ANKRD26: variants seen among roughly 807,000 people sequenced by gnomAD.
ANKRD26 encodes the protein ankyrin repeat domain 26.
Under a neutral mutation model 208.7 loss-of-function variants are expected in ANKRD26, and 141 were observed. That is an observed-to-expected ratio of 0.68 (90% confidence interval 0.59 to 0.78). The LOEUF is 0.78. Among genes scored for constraint, ANKRD26 ranks in the 30% least tolerant of loss-of-function variants. The pLI is 0.00. For synonymous variants in ANKRD26, 636 were observed against 660.4 expected (o/e 0.96, Z 0.57); for missense variants, 1,889 against 1,938.7 (o/e 0.97, Z 0.48).
chr10:26,993,643 G>A (rs577389396), intron 5 of ANKRD26, among the ~76,000 whole-genome samples: 3 of 152,298 alleles, frequency 2.0e-5, no homozygotes, highest in South Asian at 2.1e-4. Flanking sequence ...CTTTTCCCAT[G>A]TGCCTTGCTC....
chr10:27,024,660 C>A, intron 27 of ANKRD26, 101 bp from the exon 28 acceptor site: 1 of 648,600 alleles, frequency 1.5e-6, no homozygotes, highest in Non-Finnish European at 2.7e-6. Context: ...TATGTTTAGG[C>A]ATATAAAATG....
At chr10:26,962,850 G>C in the ANKRD26 span, among the ~76,000 whole-genome samples, 3 of 152,158 alleles carry the variant, frequency 2.0e-5, no homozygotes, top group African/African-American at 7.2e-5. Flanking sequence ...AGAAGTTAGG[G>C]AGGAGGTTTG....
At position 27,076,862 on chromosome 10, in the gene ANKRD26, G is replaced by A. The variant is rs137968382; in HGVS notation, c.1077+476C>T. Among the ~76,000 whole-genome samples, 403 of 151,948 alleles carry A rather than the reference G, an allele frequency of 2.7e-3. 3 individuals are homozygous for A. The highest frequency in any genetic ancestry group is 9.0e-3 in the African/African-American group (372 of 41,424). On this transcript the variant is annotated intron_variant, in intron 9 of 33. Transcript: ENST00000376087. The stretch of plus-strand genomic sequence containing the variant: ...AGATTGAATCAGTAATTTTAAAACC[G>A]CCAACAAGAAAAAAACCCAGGGCCA...
intron 2 of ANKRD26, 39 bp from the exon 3 acceptor site, chr10:27,093,561 G>A (rs748186763): frequency 1.2e-6 from 2 of 1,611,662 alleles, no homozygotes; most frequent in African/African-American, 2.7e-5. Flanking sequence ...ATAAATTCTA[G>A]GAATGCAAAA....
intron 25 of ANKRD26, among the ~76,000 whole-genome samples, chr10:27,032,967 C>T (rs761827923): frequency 1.0e-3 from 154 of 150,938 alleles, no homozygotes; most frequent in Non-Finnish European, 2.0e-3. Context: ...CCCAGCTACT[C>T]GGGAGGCTGA....
Position 27,060,460 on chromosome 10 carries a change from C to G in ANKRD26, c.1492-43G>C, listed in dbSNP as rs1212112383. Reference sequence around the variant, plus strand: ...CAAAATGATTAATAAATAATGTATACTTTATACAATATGCACTTAATAATT... The same window carrying G: ...CAAAATGATTAATAAATAATGTATAGTTTATACAATATGCACTTAATAATT... On this transcript the variant is annotated intron_variant, in intron 14 of 33. Coordinates refer to ENST00000376087, the MANE Select transcript of ANKRD26 (RefSeq NM_014915.3). 3 of 1,551,464 alleles carry G rather than the reference C, an allele frequency of 1.9e-6. No individual in the cohort carries two copies. In the African/African-American group the frequency reaches 4.1e-5, roughly 21 times the overall value.
intron 5 of ANKRD26, among the ~76,000 whole-genome samples, chr10:26,993,807 T>G (rs900192814): frequency 6.6e-6 from 1 of 152,154 alleles, no homozygotes; most frequent in Non-Finnish European, 1.5e-5. Context: ...GCTGGAGCCA[T>G]TGGAAAGAGG....
chr10:27,017,422 T>G, intron 30 of ANKRD26, 80 bp downstream of exon 30: 2 of 1,461,856 alleles, frequency 1.4e-6, no homozygotes, highest in Non-Finnish European at 1.9e-6. Context: ...ATAAGGGATG[T>G]AGAGGAAACA....
chr10:27,064,447 A>T (rs2055169042), intron 11 of ANKRD26, among the ~76,000 whole-genome samples: 2 of 152,166 alleles, frequency 1.3e-5, no homozygotes, highest in South Asian at 4.1e-4. Context: ...AGCTTCTCTG[A>T]ACTTATTCCG....
chr10:26,991,689 C>T (rs1169260340), downstream of ANKRD26, among the ~76,000 whole-genome samples: 1 of 152,192 alleles, frequency 6.6e-6, no homozygotes, highest in African/African-American at 2.4e-5. Flanking sequence ...GATCCACCTG[C>T]CTCGCCCTCC....
downstream of ANKRD26, among the ~76,000 whole-genome samples, chr10:27,003,654 A>G (rs958572467): frequency 5.3e-5 from 8 of 152,368 alleles, no homozygotes; most frequent in Non-Finnish European, 1.0e-4. Flanking sequence ...AGTGAGTGAC[A>G]GCAGATGCCT....
Position 27,100,358 on chromosome 10 carries a change from A to C in ANKRD26, c.-32T>G. ...GGCGACCGGGCTTCAGAGACACCTC[A>C]TGTCTCTCTCGGCTCTTAACGGCCT... On this transcript the variant is annotated 5_prime_UTR_variant, in exon 1 of 34. The change abolishes an upstream ATG in the 5' untranslated region. Transcript: ENST00000376087. 1 of 1,603,234 alleles carries C rather than the reference A, an allele frequency of 6.2e-7. No homozygotes were observed. The highest frequency in any genetic ancestry group is 8.5e-7 in the Non-Finnish European group (1 of 1,179,720).
chr10:27,002,688 A>G (rs546923635), downstream of ANKRD26, among the ~76,000 whole-genome samples: 2 of 152,384 alleles, frequency 1.3e-5, no homozygotes, highest in South Asian at 4.1e-4. Context: ...GTCTATGGTC[A>G]TAACACAAAT....
At chr10:27,079,953 CA>C in intron 6 of ANKRD26, 1 of 206,494 alleles carries the variant, frequency 4.8e-6, no homozygotes, top group Non-Finnish European at 1.1e-5. Flanking sequence ...GTCAGGAGTT[CA>C]AGGCCAGTCT....
intron 5 of ANKRD26, among the ~76,000 whole-genome samples, chr10:26,976,932 C>G (rs992915834): frequency 6.6e-5 from 10 of 152,294 alleles, no homozygotes; most frequent in Admixed American, 2.6e-4. Context: ...TACGAACACA[C>G]CTGCCCATCA....
At chr10:26,992,720 A>G (rs2052512899) in intron 5 of ANKRD26, among the ~76,000 whole-genome samples, 1 of 152,136 alleles carries the variant, frequency 6.6e-6, no homozygotes, top group Non-Finnish European at 1.5e-5. Flanking sequence ...TATTATTATT[A>G]TTCCTATTAT....
In ANKRD26 at chr10:27,048,812, T is replaced by C; in HGVS notation, c.1803A>G (p.Lys601=). The change falls in exon 17 of 34, where the codon AAA becomes AAG. Residue 601 remains lysine, a synonymous_variant. Transcript: ENST00000376087. The part of the protein sequence containing the change: ...DHQQFPRKEN[K]EYASSGPALQ... Reference sequence around the variant, plus strand: ...TGCTATCAGCTTACCTAGCATACTCTTTATTTTCCTTCCTGGGAAATTGCT... The same window carrying C: ...TGCTATCAGCTTACCTAGCATACTCCTTATTTTCCTTCCTGGGAAATTGCT... 6.2e-7 allele frequency: 1 copy of C among 1,613,120 alleles called. No individual in the cohort carries two copies.
At chr10:27,071,707 C>A (rs1447113908) in intron 9 of ANKRD26, among the ~76,000 whole-genome samples, 23 of 152,004 alleles carry the variant, frequency 1.5e-4, no homozygotes, top group Non-Finnish European at 4.4e-5. Context: ...GCAGTGTACA[C>A]GATGAACCAG....
intron 1 of ANKRD26, among the ~76,000 whole-genome samples, chr10:27,095,726 T>C (rs1266468867): frequency 6.6e-6 from 1 of 152,104 alleles, no homozygotes; most frequent in Non-Finnish European, 1.5e-5. Context: ...GCCCTAATAG[T>C]CTAATTTTAA....
Sources: allele counts gnomAD v4.1 joint callset (sites outside exome capture counted in the v4.1 genomes callset), GRCh38; gene constraint gnomAD v4.1.1; transcripts MANE v1.5; gene names NCBI Gene and HGNC (gene_info 2026-07-23, HGNC 2026-07-21).